DSC2: variants seen among roughly 807,000 people sequenced by gnomAD.
DSC2 encodes the protein desmocollin 2.
In DSC2, 51 loss-of-function variants were observed where a neutral mutation model predicts 87.6. The ratio of observed to expected loss-of-function variants is 0.58; its 90% CI spans 0.46 to 0.74. DSC2 has a LOEUF of 0.74. DSC2 is among the 30% of genes least tolerant of loss of function. The pLI is 0.00. For synonymous variants in DSC2, 383 were observed against 393.2 expected (o/e 0.97, Z 0.31); for missense variants, 1,066 against 1,089.5 (o/e 0.98, Z 0.30).
At chr18:31,095,027 T>C (rs1297573293) in intron 1 of DSC2, among the ~76,000 whole-genome samples, 5 of 152,116 alleles carry the variant, frequency 3.3e-5, no homozygotes, top group Non-Finnish European at 7.4e-5. Context: ...GATTACATGA[T>C]AATAAGAAGC....
chr18:31,081,090 T>C (rs761463000), intron 9 of DSC2, among the ~76,000 whole-genome samples: 23 of 152,314 alleles, frequency 1.5e-4, no homozygotes, highest in Admixed American at 2.6e-4. Context: ...TAAACAATAG[T>C]TATTTACTAC....
At chr18:31,086,810 C>A in intron 6 of DSC2, 68 bp from the exon 7 acceptor site, 1 of 1,541,874 alleles carries the variant, frequency 6.5e-7, no homozygotes, top group Non-Finnish European at 8.8e-7. Flanking sequence ...TATTTCATTC[C>A]TTTTCACCCA....
In DSC2 at chr18:31,061,992, A is replaced by G. The variant is rs1986511173; in HGVS notation, c.*6023T>C. 1 of 152,222 alleles carries G rather than the reference A, an allele frequency of 6.6e-6. No individual in the cohort carries two copies. Among genetic ancestry groups the G allele is most frequent in the African/African-American group, 2.4e-5 (1 of 41,460 alleles). 9.4% of individuals were successfully genotyped at this position (152,222 alleles called of 1,614,324 possible). A position where few individuals can be genotyped will look rare whatever the true frequency, so the allele number is the denominator to read the frequency against. ...CACATAGGTCTGTCCTACATGTCCT[A>G]CGTGAGAAGAGCAGGGCTGGGAACT... On this transcript the variant is annotated 3_prime_UTR_variant, in exon 16 of 16. Coordinates refer to ENST00000280904, the MANE Select transcript of DSC2 (RefSeq NM_024422.6).
At chr18:31,088,785 G>A (rs1338930461) in intron 5 of DSC2, among the ~76,000 whole-genome samples, 2 of 152,066 alleles carry the variant, frequency 1.3e-5, no homozygotes, top group Admixed American at 6.6e-5. Flanking sequence ...AGGGTACTGA[G>A]GTTTACTTAA....
rs1598583223 is a variant in DSC2, at chr18:31,082,399, T to C, written c.1102A>G (p.Thr368Ala). 6.2e-7 allele frequency: 1 copy of C among 1,613,616 alleles called. No individual in the cohort carries two copies. The highest frequency in any genetic ancestry group is 8.5e-7 in the Non-Finnish European group (1 of 1,179,968). Reference protein sequence around the residue: ...TSYVTSVEENTVDVEILRVTV... With the variant: ...TSYVTSVEENAVDVEILRVTV... ...ACTCGTAAGATTTCCACATCAACTG[T>C]ATTTTCTTCCACTGATGTCACATAC... Residue 368 changes from threonine (T) to alanine (A), a missense_variant, in exon 9 of 16, where the codon ACA becomes GCA. Coordinates refer to ENST00000280904, the MANE Select transcript of DSC2 (RefSeq NM_024422.6).
At chr18:31,098,688 C>A (rs1180585554) in intron 1 of DSC2, among the ~76,000 whole-genome samples, 1 of 152,156 alleles carries the variant, frequency 6.6e-6, no homozygotes, top group Non-Finnish European at 1.5e-5. Flanking sequence ...CTCCTGAGCT[C>A]AAGTGATCCT....
At chr18:31,090,433 GAAA>G (rs1987552720) in intron 4 of DSC2, among the ~76,000 whole-genome samples, 1 of 152,052 alleles carries the variant, frequency 6.6e-6, no homozygotes, top group Admixed American at 6.6e-5. Flanking sequence ...ACAAGACAGA[GAAA>G]AAGAGCCAGG....
Position 31,074,771 on chromosome 18 carries a change from A to G in DSC2, c.1800T>C (p.Asp600=). 6.2e-7 allele frequency: 1 copy of G among 1,614,120 alleles called. No homozygotes were observed. Among genetic ancestry groups the G allele is most frequent in the Non-Finnish European group, 8.5e-7 (1 of 1,180,004 alleles). Residue 600 remains aspartate, a synonymous_variant, in exon 12 of 16, where the codon GAT becomes GAC. Coordinates refer to ENST00000280904, the MANE Select transcript of DSC2 (RefSeq NM_024422.6). The part of the protein sequence containing the change: ...SSAEIVAVDP[D]EPIHGPPFDF... ...CAAAGGGTGGGCCATGGATAGGCTC[A>G]TCAGGATCAACCGCAACAATCTCCG...
In DSC2 at chr18:31,079,898, C is replaced by A; in HGVS notation, c.1612G>T (p.Glu538Ter). 2 of 1,614,016 alleles carry A rather than the reference C, an allele frequency of 1.2e-6. No homozygotes were observed. The highest frequency in any genetic ancestry group is 8.5e-7 in the Non-Finnish European group (1 of 1,179,978). The change falls in exon 11 of 16, where the codon GAG becomes TAG. Residue 538 changes from glutamate to a stop codon, truncating the protein, a stop_gained. Transcript: ENST00000280904. LOFTEE classifies it high-confidence loss of function. ...KVFRSLDREAETIKNGIYNIT... is the reference protein window; with the variant it reads ...KVFRSLDREA ...TTATATATGCCATTTTTGATGGTCT[C>A]TGCCTCTCTATCCAGGCTTCTGAAA...
rs1158260486 is a variant in DSC2 at position 31,061,399 on chromosome 18, C to T, written c.*6616G>A. ...AAAGGGAAGAGAGAATGAAACAAAACAGCCCTTGCCATTTCCCATGCACCA... is the reference window on the plus strand; with the variant it reads ...AAAGGGAAGAGAGAATGAAACAAAATAGCCCTTGCCATTTCCCATGCACCA... On this transcript the variant is annotated 3_prime_UTR_variant, in exon 16 of 16. Coordinates refer to ENST00000280904, the MANE Select transcript of DSC2 (RefSeq NM_024422.6). 2.6e-5 allele frequency: 4 copies of T among 152,244 alleles called. No individual in the cohort carries two copies. Among genetic ancestry groups the T allele is most frequent in the African/African-American group, 9.6e-5 (4 of 41,474 alleles). The allele number at this position is 152,244 out of a possible 1,614,324, so 9.4% of individuals were successfully genotyped here.
intron 8 of DSC2, among the ~76,000 whole-genome samples, 172 bp from the exon 9 acceptor site, chr18:31,082,595 G>A (rs1291321520): frequency 6.6e-6 from 1 of 152,136 alleles, no homozygotes; most frequent in Non-Finnish European, 1.5e-5. Flanking sequence ...GAAATCATGA[G>A]GGGTGGATGG....
At chr18:31,091,618 G>A in intron 3 of DSC2, 2 of 458,460 alleles carry the variant, frequency 4.4e-6, no homozygotes, top group South Asian at 1.5e-5. Context: ...AACTGCTGCA[G>A]TGAGGAATGG....
rs914777290 is a variant in DSC2 at position 31,087,610 on chromosome 18, C to T, written c.775+59G>A. 9.6e-6 allele frequency: 15 copies of T among 1,565,416 alleles called. 1 individual carries two copies. In the East Asian group the frequency reaches 2.5e-4, roughly 26 times the overall value. On this transcript the variant is annotated intron_variant, in intron 6 of 15. Coordinates refer to ENST00000280904, the MANE Select transcript of DSC2 (RefSeq NM_024422.6). ...CTGCTTCTCAACGGACATAGTGAAA[C>T]TAAATGTATGAATTGAAACACAGTT... is the stretch of plus-strand genomic sequence containing the variant.
rs1987577331 is a variant in DSC2 at position 31,091,049 on chromosome 18, A to T, written c.453T>A (p.Pro151=). ...GTACCTGTTGAAGGAAAAGTGGAAA[A>T]GGACCCAAGGAGTTTTCTAGCATCG... ...PCSMLENSLG[P]FPLFLQQVQS... The change falls in exon 4 of 16, where the codon CCT becomes CCA. Residue 151 remains proline (P), a synonymous_variant. Transcript: ENST00000280904. The T allele has an allele frequency of 1.2e-6, 2 of 1,614,058 alleles. No individual in the cohort carries two copies. The highest frequency in any genetic ancestry group is 1.7e-6 in the Non-Finnish European group (2 of 1,179,926).
At chr18:31,084,286 CCTTATTTCAACTGAAAAATTT>C in intron 7 of DSC2, among the ~76,000 whole-genome samples, 3 of 152,018 alleles carry the variant, frequency 2.0e-5, no homozygotes, top group African/African-American at 7.2e-5. Context: ...AAAATAATGG[CCTTATTTCAACTGAAAAATTT>C]TAAAACATCA....
intron 8 of DSC2, 127 bp from the exon 9 acceptor site, chr18:31,082,550 T>C (rs1987259205): frequency 6.9e-6 from 6 of 871,406 alleles, no homozygotes; most frequent in Admixed American, 2.2e-5. Context: ...ACCCTAGCAC[T>C]ATACAACTTT....
At chr18:31,092,029 A>G in intron 3 of DSC2, 72 bp downstream of exon 3, 2 of 1,481,710 alleles carry the variant, frequency 1.3e-6, no homozygotes, top group Non-Finnish European at 1.9e-6. Flanking sequence ...TTCTGATTTC[A>G]TATCTTCCCT....
chr18:31,069,483 G>A (rs1203641435), intron 14 of DSC2, among the ~76,000 whole-genome samples: 1 of 152,052 alleles, frequency 6.6e-6, no homozygotes, highest in Admixed American at 6.5e-5. Flanking sequence ...GGGAGGCCGA[G>A]GCAAGCAGAT....
Position 31,068,975 on chromosome 18 carries a change from G to A in DSC2, c.2427C>T (p.Cys809=). The change falls in exon 15 of 16, where the codon TGC becomes TGT. Residue 809 remains cysteine (C), a synonymous_variant. Transcript: ENST00000280904. ...GAGHHHTLDS[C]RGGHTEVDNC... ...TGTCCACCTCCGTGTGTCCTCCCCT[G>A]CAGGAGTCCAGGGTGTGATGGTGGC... The A allele has an allele frequency of 6.2e-7, 1 of 1,614,066 alleles. No homozygotes were observed. The highest frequency in any genetic ancestry group is 8.5e-7 in the Non-Finnish European group (1 of 1,180,000).
Sources: gnomAD v4.1 joint callset for allele counts (sites outside exome capture counted in the v4.1 genomes callset) on GRCh38, gnomAD v4.1.1 for gene constraint, MANE v1.5 for transcripts, NCBI Gene and HGNC (gene_info 2026-07-23, HGNC 2026-07-21) for gene names.